DUOX2: variants seen among roughly 807,000 people sequenced by gnomAD.
DUOX2 encodes NADH/NADPH thyroid oxidase p138-tox.
A neutral mutation model predicts 183.3 loss-of-function variants in DUOX2; 185 were observed. That is an observed-to-expected ratio of 1.01 (90% confidence interval 0.90 to 1.14). The LOEUF (loss-of-function observed/expected upper bound fraction) is 1.14, where lower values mean the gene tolerates loss of function less well. Ranked by LOEUF, DUOX2 falls within the 50% of genes most tolerant of loss-of-function variation. DUOX2 has a pLI of 0.00. For synonymous variants in DUOX2, 788 were observed against 812.4 expected, an observed-to-expected ratio of 0.97 and a Z score of 0.51; for missense variants, 1,999 against 2,022.9, an observed-to-expected ratio of 0.99 and a Z score of 0.23.
In DUOX2 at chr15:45,093,888, T is replaced by C. The variant is rs138906942; in HGVS notation, c.*262A>G. Reference sequence around the variant, plus strand: ...GCGCACTTGCTAAGGGCAGGAAGTCTGGAGGGCTGCAGGAATGGTGCCGTT... The same window carrying C: ...GCGCACTTGCTAAGGGCAGGAAGTCCGGAGGGCTGCAGGAATGGTGCCGTT... On this transcript the variant is annotated 3_prime_UTR_variant, in exon 34 of 34. Coordinates refer to ENST00000389039, the MANE Select transcript of DUOX2 (RefSeq NM_001363711.2). 736 of 478,520 alleles carry C rather than the reference T, an allele frequency of 1.5e-3. 4 individuals are homozygous for C. Among genetic ancestry groups the C allele is most frequent in the African/African-American group, 0.014 (696 of 50,980 alleles). 29.6% of individuals were successfully genotyped at this position (478,520 alleles called of 1,614,324 possible). A position where few individuals can be genotyped will look rare whatever the true frequency, so the allele number is the denominator to read the frequency against.
chr15:45,097,915 C>T, intron 27 of DUOX2, 94 bp downstream of exon 27: 2 of 1,540,326 alleles, frequency 1.3e-6, no homozygotes, highest in Non-Finnish European at 1.8e-6. Context: ...TAGAAACAGA[C>T]CCCATGGCCA....
At position 45,113,087 on chromosome 15, in the gene DUOX2, A is replaced by G. The variant is rs1255148606; in HGVS notation, c.71-11T>C. On this transcript the variant is annotated splice_polypyrimidine_tract_variant and intron_variant, in intron 2 of 33. Coordinates refer to ENST00000389039, the MANE Select transcript of DUOX2 (RefSeq NM_001363711.2). ...GTGCGTCCTGACTGCCTGTGGGCAC[A>G]GAGAAGGGCCTCCTCAGCACTACGC... 1 of 1,612,776 alleles carries G rather than the reference A, an allele frequency of 6.2e-7. No individual in the cohort carries two copies. The highest frequency in any genetic ancestry group is 2.2e-5 in the East Asian group (1 of 44,852).
In DUOX2 at chr15:45,095,961, T is replaced by G. The variant is rs751910050; in HGVS notation, c.3947A>C (p.His1316Pro). 1.2e-6 allele frequency: 2 copies of G among 1,613,688 alleles called. No homozygotes were observed. The highest frequency in any genetic ancestry group is 3.3e-5 in the Admixed American group (2 of 59,984). Residue 1316 changes from histidine (H) to proline (P), a missense_variant, in exon 30 of 34, where the codon CAC (histidine) becomes CCC (proline). Coordinates refer to ENST00000389039, the MANE Select transcript of DUOX2 (RefSeq NM_001363711.2). Reference protein sequence around the residue: ...ACLALGTTEYHPFTLTSAPHE... With the variant: ...ACLALGTTEYPPFTLTSAPHE... Reference sequence around the variant, plus strand: ...GGGCGCGGAGGTCAGTGTGAAGGGGTGGTACTCGGTGGTCCCCAGAGCCAG... The same window carrying G: ...GGGCGCGGAGGTCAGTGTGAAGGGGGGGTACTCGGTGGTCCCCAGAGCCAG...
chr15:45,094,361 T>C (rs939101372), intron 33 of DUOX2, 89 bp from the exon 34 acceptor site: 45 of 1,595,618 alleles, frequency 2.8e-5, no homozygotes, highest in Non-Finnish European at 3.3e-5. Flanking sequence ...CTGGCTGGAA[T>C]GACTAAGGCT....
At position 45,111,471 on chromosome 15, in the gene DUOX2, C is replaced by G. The variant is rs1409703314; in HGVS notation, c.628G>C (p.Ala210Pro). The G allele has an allele frequency of 1.2e-5, 19 of 1,550,508 alleles. No individual in the cohort carries two copies. The highest frequency in any genetic ancestry group is 1.5e-5 in the Non-Finnish European group (17 of 1,150,364). Reference sequence around the variant, plus strand: ...GGGTTCTGCGAGTCTCGGGGGAAAGCGGGGTCGGGCCCCGACGCCAGCTGT... The same window carrying G: ...GGGTTCTGCGAGTCTCGGGGGAAAGGGGGGTCGGGCCCCGACGCCAGCTGT... ...GGQLASGPDP[A>P]FPRDSQNPLL... The change falls in exon 6 of 34, where the codon GCT becomes CCT. Residue 210 changes from alanine (A) to proline (P), a missense_variant. By Grantham distance (27) the Ala-to-Pro change is conservative. Transcript: ENST00000389039.
In DUOX2 at chr15:45,095,827, C is replaced by A. The variant is rs777812482; in HGVS notation, c.4080+1G>T. ...GAAGCAGGGTTCCCAGTGACGGGCACCTTTGGGTATCCAGCACAGCCATTG... is the reference window on the plus strand; with the variant it reads ...GAAGCAGGGTTCCCAGTGACGGGCAACTTTGGGTATCCAGCACAGCCATTG... On this transcript the variant is annotated splice_donor_variant, in intron 30 of 33. Coordinates refer to ENST00000389039, the MANE Select transcript of DUOX2 (RefSeq NM_001363711.2). LOFTEE classifies it high-confidence loss of function. The A allele has an allele frequency of 1.2e-6, 2 of 1,613,608 alleles. No homozygotes were observed. The highest frequency in any genetic ancestry group is 1.7e-6 in the Non-Finnish European group (2 of 1,179,670).
At position 45,092,773 on chromosome 15, in the gene DUOX2, A is replaced by G. The variant is rs1566969904; in HGVS notation, c.*1377T>C. On this transcript the variant is annotated 3_prime_UTR_variant, in exon 34 of 34. Coordinates refer to ENST00000389039, the MANE Select transcript of DUOX2 (RefSeq NM_001363711.2). ...TCTCTACAATAGAATACTACTCAGC[A>G]ATGAAAAGGAACAAACTGCTGATAC... is the stretch of plus-strand genomic sequence containing the variant. The G allele has an allele frequency of 6.6e-6, 1 of 152,240 alleles. No individual in the cohort carries two copies. Among genetic ancestry groups the G allele is most frequent in the East Asian group, 1.9e-4 (1 of 5,208 alleles). 9.4% of individuals were successfully genotyped at this position (152,240 alleles called of 1,614,324 possible). A position where few individuals can be genotyped will look rare whatever the true frequency, so the allele number is the denominator to read the frequency against.
chr15:45,100,717 C>T (rs889640939), intron 23 of DUOX2, 38 bp downstream of exon 23: 42 of 1,573,224 alleles, frequency 2.7e-5, no homozygotes, highest in Non-Finnish European at 3.5e-5. Context: ...GACTTCTCTC[C>T]ATGTCTCTTT....
Position 45,099,778 on chromosome 15 carries a change from G to A in DUOX2, c.3299C>T (p.Thr1100Ile), listed in dbSNP as rs767200123. Residue 1100 changes from threonine (T) to isoleucine (I), a missense_variant, in exon 25 of 34, where the codon ACC (threonine) becomes ATC (isoleucine). Transcript: ENST00000389039. ...GAAGGTTATGAGGTTGCGGCACATG[G>A]TGAGCAAGATATAAGAGAACATGAA... is the stretch of plus-strand genomic sequence containing the variant. ...VSFMFSYILL[T>I]MCRNLITFLR... The A allele has an allele frequency of 6.2e-7, 1 of 1,614,220 alleles. No homozygotes were observed. Among genetic ancestry groups the A allele is most frequent in the Admixed American group, 1.7e-5 (1 of 60,024 alleles).
At chr15:45,103,114 A>T (rs1894123068) in intron 20 of DUOX2, among the ~76,000 whole-genome samples, 1 of 152,258 alleles carries the variant, frequency 6.6e-6, no homozygotes, top group African/African-American at 2.4e-5. Flanking sequence ...TACAGACTGC[A>T]ATAGCTTTGC....
At chr15:45,110,577 C>T (rs1013008545) in intron 8 of DUOX2, 53 bp from the exon 9 acceptor site, 2 of 1,613,710 alleles carry the variant, frequency 1.2e-6, no homozygotes, top group African/African-American at 2.7e-5. Flanking sequence ...CCTCCACATC[C>T]TCCCATCACA....
rs543615733 is a variant in DUOX2, at chr15:45,102,133, C to T, written c.2655-144G>A. The T allele has an allele frequency of 5.4e-4, 569 of 1,060,228 alleles. 3 individuals carry two copies. The African/African-American group carries it at 7.1e-3, about 13-fold the overall frequency. 65.7% of individuals were successfully genotyped at this position (1,060,228 alleles called of 1,614,324 possible). ...CTGAGAAGGTGCTCATCCAGCCTGCCGCTGACACTAAGCTGGGTGGGGTAG... is the reference window on the plus strand; with the variant it reads ...CTGAGAAGGTGCTCATCCAGCCTGCTGCTGACACTAAGCTGGGTGGGGTAG... On this transcript the variant is annotated intron_variant, in intron 20 of 33. Transcript: ENST00000389039.
Position 45,110,442 on chromosome 15 carries a change from A to G in DUOX2, c.1026T>C (p.Pro342=). Residue 342 remains proline, a synonymous_variant, in exon 9 of 34, where the codon CCT becomes CCC. Coordinates refer to ENST00000389039, the MANE Select transcript of DUOX2 (RefSeq NM_001363711.2). ...SEQFFSTMVP[P]GVYMRNASCH... Reference sequence around the variant, plus strand: ...CCCTCCCTCACCTCATGTAGACACCAGGGGGCACCATGGTAGAGAAGAACT... The same window carrying G: ...CCCTCCCTCACCTCATGTAGACACCGGGGGGCACCATGGTAGAGAAGAACT... 1 of 1,613,912 alleles carries G rather than the reference A, an allele frequency of 6.2e-7. No homozygotes were observed. Among genetic ancestry groups the G allele is most frequent in the Non-Finnish European group, 8.5e-7 (1 of 1,179,924 alleles).
Position 45,096,002 on chromosome 15 carries a change from C to T in DUOX2, c.3906G>A (p.Trp1302Ter), listed in dbSNP as rs966315712. The T allele has an allele frequency of 6.2e-7, 1 of 1,614,104 alleles. No individual in the cohort carries two copies. The highest frequency in any genetic ancestry group is 8.5e-7 in the Non-Finnish European group (1 of 1,180,014). Residue 1302 changes from tryptophan to a stop codon, truncating the protein, a stop_gained, in exon 30 of 34, where the codon TGG becomes TGA. Transcript: ENST00000389039. LOFTEE classifies it high-confidence loss of function. ...PQGFEYKSGQ[W>*]VRIACLALGT... ...CCAGAGCCAGGCAGGCGATCCGCAC[C>T]CACTGTCCTGACTTGTACTCAAAGC...
chr15:45,100,844 A>G lies in DUOX2; in HGVS notation c.2922-6T>C, dbSNP rs1373298830. 1 of 1,594,532 alleles carries G rather than the reference A, an allele frequency of 6.3e-7. No individual in the cohort carries two copies. Among genetic ancestry groups the G allele is most frequent in the Non-Finnish European group, 8.6e-7 (1 of 1,162,636 alleles). ...CCAGTCCCTGGGGGTGGGAGCTGAG[A>G]AAAAGAAATGGGGCTGTTCTCCCCT... is the stretch of plus-strand genomic sequence containing the variant. On this transcript the variant is annotated splice_region_variant and splice_polypyrimidine_tract_variant and intron_variant, in intron 22 of 33. Coordinates refer to ENST00000389039, the MANE Select transcript of DUOX2 (RefSeq NM_001363711.2).
Position 45,094,186 on chromosome 15 carries a change from G to A in DUOX2, c.4611C>T (p.Asp1537=). The A allele has an allele frequency of 6.2e-7, 1 of 1,614,116 alleles. No homozygotes were observed. The highest frequency in any genetic ancestry group is 8.5e-7 in the Non-Finnish European group (1 of 1,180,024). The change falls in exon 34 of 34, where the codon GAC becomes GAT. Residue 1537 remains aspartate (D), a synonymous_variant. Coordinates refer to ENST00000389039, the MANE Select transcript of DUOX2 (RefSeq NM_001363711.2). The stretch of plus-strand genomic sequence containing the variant: ...CATAGTGGTGCATGAAGTGGGCTCG[G>A]TCCTGCCTGTTGACGAGCTGACAGG... ...EKACQLVNRQ[D]RAHFMHHYEN... is the part of the protein sequence containing the mutation.
At chr15:45,101,119 A>G (rs1415683006) in intron 22 of DUOX2, 86 bp downstream of exon 22, 8 of 1,248,864 alleles carry the variant, frequency 6.4e-6, no homozygotes, top group Admixed American at 1.8e-5. Flanking sequence ...TGATTTTACC[A>G]GGGGCTGATC....
rs1946830941 is a variant in DUOX2, at chr15:45,097,507, A to G, written c.3693+107T>C. The G allele has an allele frequency of 1.7e-5, 27 of 1,612,328 alleles. No homozygotes were observed. The South Asian group carries it at 2.9e-4, about 17-fold the overall frequency. On this transcript the variant is annotated intron_variant, in intron 28 of 33. Transcript: ENST00000389039. ...GATAGGGCTGAGGTCTGGGGTCTTA[A>G]ATCTCAAAGTCTCATTCTGAGATCT... is the stretch of plus-strand genomic sequence containing the variant.
At chr15:45,100,310 G>T in intron 23 of DUOX2, 82 bp from the exon 24 acceptor site, 1 of 1,413,240 alleles carries the variant, frequency 7.1e-7, no homozygotes. Context: ...AGGTGACCTG[G>T]GGATCTGGCA....
Sources: allele counts gnomAD v4.1 joint callset (sites outside exome capture counted in the v4.1 genomes callset), GRCh38; gene constraint gnomAD v4.1.1; transcripts MANE v1.5; gene names NCBI Gene and HGNC (gene_info 2026-07-23, HGNC 2026-07-21).